The following MINDY4 variants were observed in gnomAD, a reference collection of about 807,000 sequenced individuals.
MINDY4 encodes the protein MINDY lysine 48 deubiquitinase 4.
A neutral mutation model predicts 87.0 loss-of-function variants in MINDY4; 68 were observed. The observed-to-expected ratio is 0.78, with a 90% CI of 0.64 to 0.96. The LOEUF is 0.96. Among genes scored for constraint, MINDY4 ranks in the 40% least tolerant of loss-of-function variants. The pLI is 0.00. For synonymous variants in MINDY4, 379 were observed against 363.2 expected, an observed-to-expected ratio of 1.04 and a Z score of -0.50; for missense variants, 919 against 928.2, an observed-to-expected ratio of 0.99 and a Z score of 0.13.
At chr7:30,787,983 T>G (rs1787203911) in intron 4 of MINDY4, among the ~76,000 whole-genome samples, 1 of 152,262 alleles carries the variant, frequency 6.6e-6, no homozygotes, top group Non-Finnish European at 1.5e-5. Context: ...ACCTGTTGCA[T>G]GTAACATGGT....
intron 17 of MINDY4, among the ~76,000 whole-genome samples, chr7:30,889,668 G>C (rs181393003): frequency 6.6e-6 from 1 of 152,314 alleles, no homozygotes; most frequent in East Asian, 1.9e-4. Flanking sequence ...TTGACACACA[G>C]AAGCCCAGTA....
intron 5 of MINDY4, among the ~76,000 whole-genome samples, chr7:30,814,838 T>C (rs999139108): frequency 6.6e-6 from 1 of 152,230 alleles, no homozygotes; most frequent in Non-Finnish European, 1.5e-5. Flanking sequence ...CAAATGGCTA[T>C]GAGGTCAACC....
intron 5 of MINDY4, among the ~76,000 whole-genome samples, chr7:30,812,009 A>T (rs1788014181): frequency 6.6e-6 from 1 of 152,226 alleles, no homozygotes; most frequent in Admixed American, 6.5e-5. Flanking sequence ...TAAAGACATT[A>T]CTACTGATTT....
At chr7:30,808,679 G>T (rs1431932283) in intron 5 of MINDY4, among the ~76,000 whole-genome samples, 1 of 152,140 alleles carries the variant, frequency 6.6e-6, no homozygotes, top group East Asian at 1.9e-4. Context: ...ATTAGAGGTG[G>T]TTTGGCCATC....
intron 3 of MINDY4, among the ~76,000 whole-genome samples, chr7:30,782,711 GA>G (rs61257966): frequency 0.044 from 6,478 of 147,904 alleles, 469 homozygotes; most frequent in African/African-American, 0.15. Context: ...TCTTAAAAAA[GA>G]AAAAAAAAAG....
chr7:30,853,997 G>A (rs999016290), intron 12 of MINDY4, among the ~76,000 whole-genome samples: 3 of 152,196 alleles, frequency 2.0e-5, no homozygotes, highest in African/African-American at 7.2e-5. Flanking sequence ...TGCCAGAGGA[G>A]AGCTGTACAT....
chr7:30,785,637 A>T (rs578241060), intron 3 of MINDY4, 112 bp from the exon 4 acceptor site: 1 of 1,307,790 alleles, frequency 7.6e-7, no homozygotes, highest in Non-Finnish European at 1.1e-6. Flanking sequence ...AGAAGTCATC[A>T]TAGATTTATT....
intron 5 of MINDY4, among the ~76,000 whole-genome samples, chr7:30,819,358 T>C (rs1032027725): frequency 3.3e-5 from 5 of 152,242 alleles, no homozygotes; most frequent in Admixed American, 1.3e-4. Flanking sequence ...AATTCTTTTT[T>C]TATTTCTTTG....
At chr7:30,833,844 G>T (rs924172006) in intron 6 of MINDY4, among the ~76,000 whole-genome samples, 1 of 152,256 alleles carries the variant, frequency 6.6e-6, no homozygotes, top group Non-Finnish European at 1.5e-5. Flanking sequence ...CCAAAATCCA[G>T]CAGGGCAGTC....
At chr7:30,837,883 A>G (rs1465240934) in intron 7 of MINDY4, among the ~76,000 whole-genome samples, 2 of 152,296 alleles carry the variant, frequency 1.3e-5, no homozygotes, top group East Asian at 3.9e-4. Context: ...GAATCCACAC[A>G]TCCTTTCTCC....
At chr7:30,810,710 A>G (rs1246707102) in intron 5 of MINDY4, among the ~76,000 whole-genome samples, 1 of 152,202 alleles carries the variant, frequency 6.6e-6, no homozygotes, top group South Asian at 2.1e-4. Flanking sequence ...ATATGTATAC[A>G]AAGTTTTATT....
chr7:30,846,737 G>A (rs1261809369), intron 9 of MINDY4, among the ~76,000 whole-genome samples: 3 of 151,670 alleles, frequency 2.0e-5, no homozygotes. Context: ...CTGGTTTTGT[G>A]GAAGACAATT....
chr7:30,865,903 T>G (rs1789919810), intron 13 of MINDY4, among the ~76,000 whole-genome samples: 1 of 152,204 alleles, frequency 6.6e-6, no homozygotes, highest in African/African-American at 2.4e-5. Context: ...CAGCTGTGTC[T>G]GCTGACTTAG....
At chr7:30,797,816 C>T (rs1027605151) in intron 5 of MINDY4, among the ~76,000 whole-genome samples, 1 of 152,078 alleles carries the variant, frequency 6.6e-6, no homozygotes, top group Non-Finnish European at 1.5e-5. Context: ...TAGGCAACTG[C>T]AGTAGTAGAA....
At chr7:30,862,984 GC>G (rs890942595) in intron 13 of MINDY4, among the ~76,000 whole-genome samples, 3 of 152,086 alleles carry the variant, frequency 2.0e-5, no homozygotes, top group African/African-American at 7.2e-5. Context: ...GGAGGGAGAG[GC>G]CCCTGCTGCC....
chr7:30,857,463 T>TAACAAGTACAGCCTTAGCCAGGAGCA (rs1562556218), intron 12 of MINDY4, among the ~76,000 whole-genome samples: 1 of 69,000 alleles, frequency 1.4e-5, no homozygotes, highest in Non-Finnish European at 2.4e-5. Context: ...TCCACCTTGT[T>TAACAAGTACAGCCTTAGCCAGGAGCA]TTTTTTTTTT....
At chr7:30,828,971 G>A (rs1788608122) in intron 6 of MINDY4, among the ~76,000 whole-genome samples, 1 of 152,222 alleles carries the variant, frequency 6.6e-6, no homozygotes, top group Non-Finnish European at 1.5e-5. Context: ...GATCTACACT[G>A]TGGGGCCAGA....
At chr7:30,851,671 C>G (rs1374171115) in intron 10 of MINDY4, among the ~76,000 whole-genome samples, 1 of 152,186 alleles carries the variant, frequency 6.6e-6, no homozygotes, top group Non-Finnish European at 1.5e-5. Flanking sequence ...TCAATTTCTC[C>G]CTGTTTTACA....
At chr7:30,778,612 C>G in intron 2 of MINDY4, 61 bp downstream of exon 2, 2 of 1,591,696 alleles carry the variant, frequency 1.3e-6, no homozygotes, top group Non-Finnish European at 1.7e-6. Flanking sequence ...TGCCAAAGCA[C>G]TCATGGGCCC....
Sources: allele counts gnomAD v4.1 joint callset (sites outside exome capture counted in the v4.1 genomes callset), GRCh38; gene constraint gnomAD v4.1.1; transcripts MANE v1.5; gene names NCBI Gene and HGNC (gene_info 2026-07-23, HGNC 2026-07-21).